The following PRG4 variants were observed in gnomAD, a reference collection of about 807,000 sequenced individuals.
PRG4 encodes articular superficial zone protein.
A neutral mutation model predicts 91.2 loss-of-function variants in PRG4; 61 were observed. The ratio of observed to expected loss-of-function variants is 0.67; its 90% CI spans 0.54 to 0.83. PRG4 has a LOEUF of 0.83. Among genes scored for constraint, PRG4 ranks in the 40% least tolerant of loss-of-function variants. PRG4 has a pLI of 0.00. For missense variants in PRG4, 1,564 were observed against 1,714.2 expected, an observed-to-expected ratio of 0.91 and a Z score of 1.55; for synonymous variants, 576 against 614.2, an observed-to-expected ratio of 0.94 and a Z score of 0.92.
At position 186,313,926 on chromosome 1, in the gene PRG4, C is replaced by G; in HGVS notation, c.*148C>G. 6.3e-7 allele frequency: 1 copy of G among 1,590,104 alleles called. No homozygotes were observed. The highest frequency in any genetic ancestry group is 8.6e-7 in the Non-Finnish European group (1 of 1,160,000). On this transcript the variant is annotated 3_prime_UTR_variant, in exon 13 of 13. Coordinates refer to ENST00000445192, the MANE Select transcript of PRG4 (RefSeq NM_005807.6). ...AAACTTGACAATCATTACACTAAAA[C>G]AGATTTGATAATCTTATTCACAGTT...
chr1:186,306,866 C>T lies in PRG4; in HGVS notation c.1147C>T (p.Pro383Ser). Residue 383 changes from proline to serine, a missense_variant, in exon 7 of 13, where the codon CCC (proline) becomes TCC (serine). Physicochemically the swap from Pro to Ser is moderately conservative, Grantham distance 74 (BLOSUM62 -1). Coordinates refer to ENST00000445192, the MANE Select transcript of PRG4 (RefSeq NM_005807.6). Reference sequence around the variant, plus strand: ...ACCCACCACCCCCAAGGAGCCTGCACCCACCACCACCAAGTCTGCACCCAC... The same window carrying T: ...ACCCACCACCCCCAAGGAGCCTGCATCCACCACCACCAAGTCTGCACCCAC... Reference protein sequence around the residue: ...SAPTTPKEPAPTTTKSAPTTP... With the variant: ...SAPTTPKEPASTTTKSAPTTP... The T allele has an allele frequency of 6.2e-7, 1 of 1,609,134 alleles. No homozygotes were observed. The highest frequency in any genetic ancestry group is 8.5e-7 in the Non-Finnish European group (1 of 1,178,504).
chr1:186,310,657 A>AT (rs746583527), intron 8 of PRG4, among the ~76,000 whole-genome samples: 13,226 of 133,340 alleles, frequency 0.099, 787 homozygotes, highest in Non-Finnish European at 0.13. Context: ...TAATTTTTGT[A>AT]TTTTTTTTTG....
chr1:186,300,779 TG>T (rs1158421488), intron 3 of PRG4, among the ~76,000 whole-genome samples: 2 of 152,166 alleles, frequency 1.3e-5, no homozygotes, highest in East Asian at 3.8e-4. Flanking sequence ...AAATTATGAG[TG>T]GTGTTTCACT....
chr1:186,298,422 T>C (rs751570924), intron 2 of PRG4, among the ~76,000 whole-genome samples: 8 of 151,766 alleles, frequency 5.3e-5, no homozygotes, highest in Middle Eastern at 3.4e-3. Flanking sequence ...TGGTTACAAT[T>C]AATAGCAATA....
intron 4 of PRG4, among the ~76,000 whole-genome samples, chr1:186,303,461 A>G (rs1656348933): frequency 6.6e-6 from 1 of 151,732 alleles, no homozygotes; most frequent in Non-Finnish European, 1.5e-5. Flanking sequence ...TTCCTAAAAA[A>G]AAAAAAAAAA....
At chr1:186,312,633 T>A in intron 11 of PRG4, 136 bp from the exon 12 acceptor site, 1 of 964,912 alleles carries the variant, frequency 1.0e-6, no homozygotes, top group Non-Finnish European at 1.6e-6. Flanking sequence ...CCAAGAACAT[T>A]ATATACCAGT....
In PRG4 at chr1:186,307,606, C is replaced by A; in HGVS notation, c.1887C>A (p.Pro629=). 6.3e-7 allele frequency: 1 copy of A among 1,591,062 alleles called. No individual in the cohort carries two copies. ...TTPKKLTPTT[P]EKLAPTTPEK... is the part of the protein sequence containing the mutation. Reference sequence around the variant, plus strand: ...CCAAGAAGCTCACGCCCACCACCCCCGAGAAGCTCGCACCCACCACCCCTG... The same window carrying A: ...CCAAGAAGCTCACGCCCACCACCCCAGAGAAGCTCGCACCCACCACCCCTG... The change falls in exon 7 of 13, where the codon CCC becomes CCA. Residue 629 remains proline, a synonymous_variant. Coordinates refer to ENST00000445192, the MANE Select transcript of PRG4 (RefSeq NM_005807.6).
Position 186,306,822 on chromosome 1 carries a change from C to T in PRG4, c.1103C>T (p.Pro368Leu), listed in dbSNP as rs1656618745. Residue 368 changes from proline (P) to leucine (L), a missense_variant, in exon 7 of 13, where the codon CCT becomes CTT. This residue lies in a region of PRG4 where 437 missense variants were observed against 459.0 expected (regional missense o/e 0.95). Coordinates refer to ENST00000445192, the MANE Select transcript of PRG4 (RefSeq NM_005807.6). ...TCTACCACACCCAAAGAGCCCACACCTACCACCATCAAGTCTGCACCCACC... is the reference window on the plus strand; with the variant it reads ...TCTACCACACCCAAAGAGCCCACACTTACCACCATCAAGTCTGCACCCACC... ...PASTTPKEPT[P>L]TTIKSAPTTP... 6.2e-7 allele frequency: 1 copy of T among 1,612,328 alleles called. No homozygotes were observed. The highest frequency in any genetic ancestry group is 1.7e-5 in the Admixed American group (1 of 59,826).
chr1:186,299,194 T>G (rs1011549537), intron 2 of PRG4, among the ~76,000 whole-genome samples: 1 of 152,202 alleles, frequency 6.6e-6, no homozygotes, highest in Non-Finnish European at 1.5e-5. Flanking sequence ...AGAATGAGTA[T>G]GCTTTTGTTA....
In PRG4 at chr1:186,313,696, T is replaced by C. The variant is rs748714300; in HGVS notation, c.4133T>C (p.Ile1378Thr). The C allele has an allele frequency of 2.2e-5, 35 of 1,601,736 alleles. No individual in the cohort carries two copies. The highest frequency in any genetic ancestry group is 1.6e-4 in the Middle Eastern group (1 of 6,064). Reference protein sequence around the residue: ...YAFSKDQYYNIDVPSRTARAI... With the variant: ...YAFSKDQYYNTDVPSRTARAI... Reference sequence around the variant, plus strand: ...TTCCATTTAGATCAATACTATAACATTGATGTGCCTAGTAGAACAGCAAGA... The same window carrying C: ...TTCCATTTAGATCAATACTATAACACTGATGTGCCTAGTAGAACAGCAAGA... The change falls in exon 13 of 13, where the codon ATT becomes ACT. Residue 1378 changes from isoleucine to threonine, a missense_variant. Around this residue, in one of 3 missense-constraint regions of PRG4, gnomAD observed 1,079 missense variants for 1,162.2 expected, o/e 0.93. Transcript: ENST00000445192.
Position 186,307,387 on chromosome 1 carries a change from C to G in PRG4, c.1668C>G (p.Thr556=). 1 of 1,599,496 alleles carries G rather than the reference C, an allele frequency of 6.3e-7. No homozygotes were observed. The highest frequency in any genetic ancestry group is 8.5e-7 in the Non-Finnish European group (1 of 1,175,564). Residue 556 remains threonine, a synonymous_variant, in exon 7 of 13, where the codon ACC becomes ACG. Transcript: ENST00000445192. ...CTCCCAAGGAGCCTTCACCCACCAC[C>G]ACCAAGGAGCCTGCACCCACCACTC... The part of the protein sequence containing the change: ...PTTPKEPSPT[T]TKEPAPTTPK...
At chr1:186,312,065 A>G (rs529196764) in intron 10 of PRG4, 110 bp from the exon 11 acceptor site, 1 of 864,044 alleles carries the variant, frequency 1.2e-6, no homozygotes, top group South Asian at 1.5e-5. Context: ...ATATTATATG[A>G]AAAATGAGAA....
At chr1:186,301,306 T>C (rs1302039084) in intron 3 of PRG4, among the ~76,000 whole-genome samples, 2 of 152,208 alleles carry the variant, frequency 1.3e-5, no homozygotes, top group African/African-American at 4.8e-5. Flanking sequence ...TCCCGATTTT[T>C]CTTTGTCCAT....
Position 186,314,035 on chromosome 1 carries a change from G to T in PRG4, c.*257G>T. ...CATTGCATGGCTCACACCTGTAAAAGAAAAAAGAATCAAATTGAATATATC... is the reference window on the plus strand; with the variant it reads ...CATTGCATGGCTCACACCTGTAAAATAAAAAAGAATCAAATTGAATATATC... On this transcript the variant is annotated 3_prime_UTR_variant, in exon 13 of 13. Transcript: ENST00000445192. 1 of 1,605,602 alleles carries T rather than the reference G, an allele frequency of 6.2e-7. No individual in the cohort carries two copies. Among genetic ancestry groups the T allele is most frequent in the South Asian group, 1.1e-5 (1 of 90,040 alleles).
rs775285699 is a variant in PRG4, at chr1:186,296,955, G to C, written c.76+4G>C. The C allele has an allele frequency of 1.2e-6, 2 of 1,610,068 alleles. No homozygotes were observed. Among genetic ancestry groups the C allele is most frequent in the East Asian group, 4.5e-5 (2 of 44,832 alleles). ...ATTCAGCAAGTTTCATCTCAAGGTA[G>C]CTTAACCATCGAACATACTTTTATT... On this transcript the variant is annotated splice_donor_region_variant and intron_variant, in intron 2 of 12. Transcript: ENST00000445192.
intron 2 of PRG4, among the ~76,000 whole-genome samples, chr1:186,298,594 G>A (rs1206931196): frequency 6.6e-6 from 1 of 151,620 alleles, no homozygotes; most frequent in Non-Finnish European, 1.5e-5. Flanking sequence ...GGGTTCAAGC[G>A]ATTCTCCTGT....
In PRG4 at chr1:186,306,951, A is replaced by G; in HGVS notation, c.1232A>G (p.Glu411Gly). 6.2e-7 allele frequency: 1 copy of G among 1,601,850 alleles called. No homozygotes were observed. Among genetic ancestry groups the G allele is most frequent in the Non-Finnish European group, 8.5e-7 (1 of 1,176,204 alleles). Residue 411 changes from glutamate (E) to glycine (G), a missense_variant, in exon 7 of 13, where the codon GAG becomes GGG. Glu to Gly is a moderately conservative substitution (Grantham distance 98, BLOSUM62 -2). Around this residue, in one of 3 missense-constraint regions of PRG4, gnomAD observed 48 missense variants for 93.0 expected, o/e 0.52. Transcript: ENST00000445192. ...TKEPAPTTPK[E>G]PAPTTTKEPA... The stretch of plus-strand genomic sequence containing the variant: ...GAGCCTGCACCCACCACTCCCAAGG[A>G]GCCTGCACCCACCACCACCAAGGAG...
chr1:186,302,160 A>G (rs1374787350), intron 4 of PRG4, among the ~76,000 whole-genome samples: 1 of 152,204 alleles, frequency 6.6e-6, no homozygotes. Flanking sequence ...AGCTTCCCTA[A>G]ACCAGTAAAT....
Position 186,312,220 on chromosome 1 carries a change from A to G in PRG4, c.3839A>G (p.Lys1280Arg). ...QYIYKQEPVQKCPGRRPALNY... is the reference protein window; with the variant it reads ...QYIYKQEPVQRCPGRRPALNY... ...ATTTATAAACAGGAACCTGTACAGAAGTGCCCTGGAAGAAGGCCTGCTCTA... is the reference window on the plus strand; with the variant it reads ...ATTTATAAACAGGAACCTGTACAGAGGTGCCCTGGAAGAAGGCCTGCTCTA... The change falls in exon 11 of 13, where the codon AAG (lysine) becomes AGG (arginine). Residue 1280 changes from lysine (K) to arginine (R), a missense_variant. By Grantham distance (26) the Lys-to-Arg change is conservative (BLOSUM62 2). Coordinates refer to ENST00000445192, the MANE Select transcript of PRG4 (RefSeq NM_005807.6). The G allele has an allele frequency of 6.2e-7, 1 of 1,614,064 alleles. No homozygotes were observed.
Sources: allele counts gnomAD v4.1 joint callset (sites outside exome capture counted in the v4.1 genomes callset), GRCh38; gene constraint gnomAD v4.1.1; regional missense constraint gnomAD v4.1.1; transcripts MANE v1.5; gene names NCBI Gene and HGNC (gene_info 2026-07-23, HGNC 2026-07-21).